Variants in XKR6 observed in about 807,000 individuals in gnomAD.
The protein encoded by XKR6 is XK related 6, also known as XK-related protein 6.
Under a neutral mutation model 56.7 loss-of-function variants are expected in XKR6, and 22 were observed. The observed-to-expected ratio is 0.39, with a 90% CI of 0.28 to 0.55. The LOEUF (loss-of-function observed/expected upper bound fraction) is 0.55. Among genes scored for constraint, XKR6 ranks in the 20% least tolerant of loss-of-function variants. The probability of loss-of-function intolerance (pLI) is 0.66; values close to 1 mark genes in which losing one functional copy is unlikely to be tolerated. For missense variants in XKR6, 852 were observed against 889.0 expected, an observed-to-expected ratio of 0.96 and a Z score of 0.53; for synonymous variants, 524 against 387.8, an observed-to-expected ratio of 1.35 and a Z score of -4.13.
chr8:10,945,380 T>C (rs565813876), intron 1 of XKR6, among the ~76,000 whole-genome samples: 1 of 152,146 alleles, frequency 6.6e-6, no homozygotes, highest in Non-Finnish European at 1.5e-5. Flanking sequence ...GCTAACTGGG[T>C]GGTTGAGGCA....
chr8:10,899,958 G>A (rs1050870617), intron 2 of XKR6, among the ~76,000 whole-genome samples: 9 of 151,972 alleles, frequency 5.9e-5, no homozygotes, highest in Admixed American at 1.3e-4. Flanking sequence ...GTCATTATTC[G>A]AGTGCTGTCA....
At chr8:11,171,004 T>C (rs1439748911) in intron 1 of XKR6, among the ~76,000 whole-genome samples, 1 of 152,266 alleles carries the variant, frequency 6.6e-6, no homozygotes, top group Non-Finnish European at 1.5e-5. Flanking sequence ...ATTAGCAATC[T>C]TGAATTCTTG....
At chr8:11,043,934 T>G (rs565749352) in intron 1 of XKR6, among the ~76,000 whole-genome samples, 1 of 152,338 alleles carries the variant, frequency 6.6e-6, no homozygotes, top group Admixed American at 6.5e-5. Flanking sequence ...ACACCTACAC[T>G]TAAAGAATCA....
At chr8:11,044,102 G>A (rs1186054525) in intron 1 of XKR6, among the ~76,000 whole-genome samples, 1 of 152,214 alleles carries the variant, frequency 6.6e-6, no homozygotes, top group Non-Finnish European at 1.5e-5. Flanking sequence ...TTGGACAAGA[G>A]ACTGATTTCA....
intron 1 of XKR6, among the ~76,000 whole-genome samples, chr8:10,939,929 C>T (rs1801339489): frequency 6.6e-6 from 1 of 152,232 alleles, no homozygotes; most frequent in African/African-American, 2.4e-5. Context: ...GCCAGCCTCC[C>T]CCTCCCCCAG....
At chr8:10,924,613 G>A (rs970013938) in intron 2 of XKR6, 21 bp downstream of exon 2, 1 of 1,589,252 alleles carries the variant, frequency 6.3e-7, no homozygotes, top group African/African-American at 1.3e-5. Context: ...GGGTGGCGGG[G>A]CGCGGCCGGC....
intron 1 of XKR6, among the ~76,000 whole-genome samples, chr8:11,165,462 CA>C (rs1168063968): frequency 2.6e-5 from 4 of 151,990 alleles, no homozygotes; most frequent in Non-Finnish European, 4.4e-5. Context: ...GAATTTTAAC[CA>C]AATGATATTT....
intron 1 of XKR6, among the ~76,000 whole-genome samples, chr8:10,969,774 G>A (rs1473505596): frequency 2.0e-5 from 3 of 152,222 alleles, no homozygotes; most frequent in African/African-American, 4.8e-5. Context: ...CCCTAGCCAG[G>A]AGGCCACAGT....
chr8:11,071,775 TGG>T (rs1242445207), intron 1 of XKR6, among the ~76,000 whole-genome samples: 1 of 152,176 alleles, frequency 6.6e-6, no homozygotes, highest in Non-Finnish European at 1.5e-5. Flanking sequence ...AAGGTCAGGC[TGG>T]GACCCAAGAA....
intron 1 of XKR6, among the ~76,000 whole-genome samples, chr8:11,186,081 C>G (rs974868568): frequency 6.6e-6 from 1 of 152,062 alleles, no homozygotes; most frequent in Non-Finnish European, 1.5e-5. Flanking sequence ...TGCCAAGTCC[C>G]GAATCAAAAC....
intron 1 of XKR6, among the ~76,000 whole-genome samples, chr8:11,131,589 A>G (rs1003310062): frequency 2.6e-5 from 4 of 152,176 alleles, no homozygotes; most frequent in African/African-American, 4.8e-5. Flanking sequence ...CATCCTTGCC[A>G]TTAGCCGCCA....
intron 1 of XKR6, among the ~76,000 whole-genome samples, chr8:11,037,399 T>C (rs1402612681): frequency 6.6e-6 from 1 of 152,192 alleles, no homozygotes; most frequent in Non-Finnish European, 1.5e-5. Flanking sequence ...CTAATCTTTG[T>C]ATTTTTGTAG....
At chr8:11,154,636 T>C (rs144488233) in intron 1 of XKR6, among the ~76,000 whole-genome samples, 1,542 of 152,314 alleles carry the variant, frequency 0.01, 14 homozygotes, top group African/African-American at 0.027. Context: ...AAATCACACC[T>C]CACAACTCAC....
intron 1 of XKR6, among the ~76,000 whole-genome samples, chr8:11,049,302 C>T (rs1799485510): frequency 6.6e-6 from 1 of 152,200 alleles, no homozygotes. Context: ...GTAGCCAAAA[C>T]CTCTATCTGT....
At chr8:10,946,980 G>A (rs527417096) in intron 1 of XKR6, among the ~76,000 whole-genome samples, 6 of 152,298 alleles carry the variant, frequency 3.9e-5, no homozygotes, top group African/African-American at 4.8e-5. Flanking sequence ...GGACAGAGAG[G>A]AAGGAATAAG....
intron 1 of XKR6, among the ~76,000 whole-genome samples, chr8:11,158,227 G>C (rs949457516): frequency 2.6e-5 from 4 of 152,192 alleles, no homozygotes; most frequent in African/African-American, 7.2e-5. Context: ...GCAGAGAGCA[G>C]AAGCATCTAA....
intron 1 of XKR6, among the ~76,000 whole-genome samples, chr8:10,973,023 G>T (rs918999623): frequency 6.6e-6 from 1 of 152,150 alleles, no homozygotes; most frequent in Non-Finnish European, 1.5e-5. Context: ...CATTCAGTAG[G>T]ACTTTGCTGT....
chr8:11,137,141 T>C (rs992762927), intron 1 of XKR6: 10 of 158,348 alleles, frequency 6.3e-5, no homozygotes, highest in Admixed American at 1.2e-4. Context: ...AACCAGAGCA[T>C]ATGTGGTTAA....
intron 1 of XKR6, among the ~76,000 whole-genome samples, chr8:10,940,746 G>A (rs1380849886): frequency 6.6e-6 from 1 of 152,018 alleles, no homozygotes; most frequent in Admixed American, 6.5e-5. Context: ...ACCTGTACGC[G>A]ACAACCAGCT....
Sources: allele counts gnomAD v4.1 joint callset (sites outside exome capture counted in the v4.1 genomes callset), GRCh38; gene constraint gnomAD v4.1.1; transcripts MANE v1.5; gene names NCBI Gene and HGNC (gene_info 2026-07-23, HGNC 2026-07-21).